The following ENOSF1 variants were observed in gnomAD, a reference collection of about 807,000 sequenced individuals.
ENOSF1 encodes the protein enolase superfamily member 1.
Under a neutral mutation model 68.2 loss-of-function variants are expected in ENOSF1, and 73 were observed. That is an observed-to-expected ratio of 1.07 (90% CI 0.89 to 1.30). ENOSF1 has a LOEUF of 1.30. Among genes scored for constraint, ENOSF1 ranks in the 50% most tolerant of loss-of-function variants. The pLI, the probability that ENOSF1 is intolerant of heterozygous loss-of-function variation, is 0.00. For synonymous variants in ENOSF1, 223 were observed against 210.4 expected (o/e 1.06, Z -0.52); for missense variants, 589 against 554.5 (o/e 1.06, Z -0.62).
At chr18:690,966 C>T in intron 7 of ENOSF1, 102 bp downstream of exon 7, 2 of 1,372,610 alleles carry the variant, frequency 1.5e-6, no homozygotes, top group Middle Eastern at 4.9e-4. Context: ...AGCTGCTCAG[C>T]ACAGGGCATT....
intron 14 of ENOSF1, 167 bp from the exon 15 acceptor site, chr18:675,569 G>A: frequency 3.3e-6 from 2 of 614,550 alleles, no homozygotes; most frequent in Non-Finnish European, 5.8e-6. Context: ...TGTGCCTCAG[G>A]TCCTTTTCTT....
downstream of ENOSF1, among the ~76,000 whole-genome samples, chr18:669,703 T>C (rs2074948616): frequency 6.6e-6 from 1 of 152,120 alleles, no homozygotes; most frequent in African/African-American, 2.4e-5. Context: ...GCCTAGAAAC[T>C]ACATGTAAGA....
chr18:686,124 A>G (rs2076593450), intron 9 of ENOSF1, 116 bp from the exon 10 acceptor site: 2 of 759,376 alleles, frequency 2.6e-6, no homozygotes, highest in Middle Eastern at 2.3e-4. Flanking sequence ...GTTTTTTAGT[A>G]ACCTCTTGCT....
At chr18:691,494 T>C (rs2077168619) in intron 5 of ENOSF1, 3 of 516,938 alleles carry the variant, frequency 5.8e-6, no homozygotes, top group Non-Finnish European at 1.0e-5. Context: ...TCCAGGTATG[T>C]GCCACTATGC....
chr18:690,852 C>T, intron 7 of ENOSF1: 1 of 1,400,556 alleles, frequency 7.1e-7, no homozygotes. Context: ...CAGTGTAATC[C>T]TAAAGCCAAA....
chr18:671,765 G>A lies in ENOSF1; in HGVS notation c.*2540C>T, dbSNP rs2144390033. ...CATTTTAACTTGAAGGAGAATTGAA[G>A]TGCAAATGTTTTTCCTTTTCTTTTT... is the stretch of plus-strand genomic sequence containing the variant. On this transcript the variant is annotated 3_prime_UTR_variant, in exon 16 of 16. Transcript: ENST00000647584. 1 of 330,476 alleles carries A rather than the reference G, an allele frequency of 3.0e-6. No homozygotes were observed. Among genetic ancestry groups the A allele is most frequent in the Non-Finnish European group, 5.4e-6 (1 of 186,854 alleles). 20.5% of individuals were successfully genotyped at this position (330,476 alleles called of 1,614,324 possible).
At chr18:683,199 C>G in intron 11 of ENOSF1, 47 bp downstream of exon 11, 2 of 1,609,696 alleles carry the variant, frequency 1.2e-6, no homozygotes, top group African/African-American at 2.7e-5. Context: ...CTCTGGAAAA[C>G]TAAACAGAAA....
chr18:688,021 G>A (rs575471848), intron 9 of ENOSF1: 1 of 153,652 alleles, frequency 6.5e-6, no homozygotes, highest in East Asian at 1.9e-4. Flanking sequence ...ACAAAAATTA[G>A]CCAGGTGTGG....
At chr18:680,819 T>G (rs1261306301) in intron 11 of ENOSF1, among the ~76,000 whole-genome samples, 1 of 151,312 alleles carries the variant, frequency 6.6e-6, no homozygotes, top group African/African-American at 2.4e-5. Flanking sequence ...TAGCTGGGAT[T>G]ACAGGCACAC....
intron 3 of ENOSF1, 117 bp downstream of exon 3, chr18:697,123 T>C: frequency 1.2e-6 from 1 of 806,076 alleles, no homozygotes; most frequent in Non-Finnish European, 2.1e-6. Flanking sequence ...TCTCAAAAAA[T>C]AAATAAATAA....
At position 673,276 on chromosome 18, in the gene ENOSF1, A is replaced by G; in HGVS notation, c.*1029T>C. 3.5e-6 allele frequency: 1 copy of G among 282,908 alleles called. No homozygotes were observed. The highest frequency in any genetic ancestry group is 4.8e-5 in the Admixed American group (1 of 20,686). The allele number at this position is 282,908 out of a possible 1,614,324, so 17.5% of individuals were successfully genotyped here. ...TGAAATGTATGTGCTCTTAGCAAAAACATGTATGTGCATTTCAATCCCACG... is the reference window on the plus strand; with the variant it reads ...TGAAATGTATGTGCTCTTAGCAAAAGCATGTATGTGCATTTCAATCCCACG... On this transcript the variant is annotated 3_prime_UTR_variant, in exon 16 of 16. Transcript: ENST00000647584.
chr18:675,194 C>A, intron 15 of ENOSF1, 127 bp downstream of exon 15: 1 of 741,634 alleles, frequency 1.3e-6, no homozygotes, highest in Non-Finnish European at 2.4e-6. Context: ...AACTGAAGAA[C>A]CGTTTGTTAG....
chr18:674,133 T>C lies in ENOSF1; in HGVS notation c.*172A>G, dbSNP rs958552324. 2 of 576,156 alleles carry C rather than the reference T, an allele frequency of 3.5e-6. No homozygotes were observed. Among genetic ancestry groups the C allele is most frequent in the Non-Finnish European group, 6.1e-6 (2 of 326,036 alleles). The allele number at this position is 576,156 out of a possible 1,614,324, so 35.7% of individuals were successfully genotyped here. A position where few individuals can be genotyped will look rare whatever the true frequency, so the allele number is the denominator to read the frequency against. ...GATTAAGTAGGATAACGTGCATTGA[T>C]TTGCTAAAAGAATCAAGTAATAATT... On this transcript the variant is annotated 3_prime_UTR_variant, in exon 16 of 16. Transcript: ENST00000647584.
chr18:667,992 A>ATTTTTTTTTTTTTTTTTT (rs60409589), downstream of ENOSF1, among the ~76,000 whole-genome samples: 87 of 105,338 alleles, frequency 8.3e-4, 8 homozygotes, highest in African/African-American at 3.0e-3. Context: ...ATTCACAGGA[A>ATTTTTTTTTTTTTTTTTT]TTTTTTTTTT....
At chr18:696,042 C>A (rs2077674321) in intron 3 of ENOSF1, among the ~76,000 whole-genome samples, 1 of 152,114 alleles carries the variant, frequency 6.6e-6, no homozygotes, top group Non-Finnish European at 1.5e-5. Context: ...GTATTGAATT[C>A]ACCTTATTGT....
rs150396392 is a variant in ENOSF1 at position 698,696 on chromosome 18, T to C, written c.194-1341A>G. On this transcript the variant is annotated intron_variant, in intron 2 of 15. Coordinates refer to ENST00000647584, the MANE Select transcript of ENOSF1 (RefSeq NM_017512.7). ...AGTGCAGTGGCGGGATCTAGGCTCA[T>C]TGCAATCTCTGCGTCCTGGGCTCAA... Among the ~76,000 whole-genome samples, 88 of 152,232 alleles carry C rather than the reference T, an allele frequency of 5.8e-4. 1 individual carries two copies. The East Asian group carries it at 0.015, about 26-fold the overall frequency.
rs1438542196 is a variant in ENOSF1 at position 674,388 on chromosome 18, C to T, written c.1249G>A (p.Glu417Lys). Residue 417 changes from glutamate to lysine, a missense_variant, in exon 16 of 16, where the codon GAA (glutamate) becomes AAA (lysine). Coordinates refer to ENST00000647584, the MANE Select transcript of ENOSF1 (RefSeq NM_017512.7). ...MPPKDPGYST[E>K]MKEESVKKHQ... ...TTCTTTACAGATTCCTCCTTCATTT[C>T]TGTTGAGTAGCCGGGATCCTATCAA... 5 of 1,612,090 alleles carry T rather than the reference C, an allele frequency of 3.1e-6. No homozygotes were observed. Among genetic ancestry groups the T allele is most frequent in the Non-Finnish European group, 3.4e-6 (4 of 1,179,358 alleles).
chr18:686,070 A>T (rs2076587560), intron 9 of ENOSF1, 62 bp from the exon 10 acceptor site: 3 of 1,182,324 alleles, frequency 2.5e-6, no homozygotes, highest in Non-Finnish European at 3.8e-6. Flanking sequence ...GGGCATCTGG[A>T]GTTTCTGCAG....
downstream of ENOSF1, chr18:667,584 G>T (rs2074880916): frequency 1.0e-5 from 1 of 98,914 alleles, no homozygotes. Context: ...TGGTGATGGT[G>T]ATGGTGATGG....
Sources: allele counts gnomAD v4.1 joint callset (sites outside exome capture counted in the v4.1 genomes callset), GRCh38; gene constraint gnomAD v4.1.1; transcripts MANE v1.5; gene names NCBI Gene and HGNC (gene_info 2026-07-23, HGNC 2026-07-21).